CEP164: variants seen among roughly 807,000 people sequenced by gnomAD.
CEP164 encodes the protein centrosomal protein of 164 kDa.
CEP164 carries 162 observed loss-of-function variants against 182.7 expected under a neutral mutation model. The ratio of observed to expected loss-of-function variants is 0.89; its 90% CI spans 0.78 to 1.01. CEP164 has a LOEUF of 1.01. CEP164 is among the 50% of genes least tolerant of loss of function. The probability of loss-of-function intolerance (pLI) is 0.00; values close to 1 mark genes in which losing one functional copy is unlikely to be tolerated. For missense variants in CEP164, 1,735 were observed against 1,790.4 expected (o/e 0.97, Z 0.56); for synonymous variants, 661 against 690.0 (o/e 0.96, Z 0.66).
rs1372234153 is a variant in CEP164, at chr11:117,398,583, ATCT to A, written c.3501+1274_3501+1276del. ...TCTGGGCATCTAGGTGTTTCCATAC[ATCT>A]TCTGAAATCTAGGCGGAGGTTCCCA... is the stretch of plus-strand genomic sequence containing the variant. On this transcript the variant is annotated intron_variant, in intron 27 of 32. Transcript: ENST00000278935. 2.0e-5 allele frequency among the ~76,000 whole-genome samples: 3 copies of A among 151,358 alleles called. No individual in the cohort carries two copies. The East Asian group carries it at 5.8e-4, about 29-fold the overall frequency.
chr11:117,346,649 A>G lies in CEP164; in HGVS notation c.194+2372A>G, dbSNP rs373435614. ...GAGGCCGAGTTTGGAGGATTGCTTG[A>G]GCTCAGGAGTTTGAGATCAGTCTGG... On this transcript the variant is annotated intron_variant, in intron 4 of 32. Transcript: ENST00000278935. 2.2e-4 allele frequency among the ~76,000 whole-genome samples: 34 copies of G among 151,974 alleles called. No individual in the cohort carries two copies. The East Asian group carries it at 2.4e-3, about 11-fold the overall frequency.
At chr11:117,399,979 T>C (rs1055720693) in intron 27 of CEP164, among the ~76,000 whole-genome samples, 8 of 152,348 alleles carry the variant, frequency 5.3e-5, no homozygotes, top group African/African-American at 1.4e-4. Flanking sequence ...GTGCAGAAGC[T>C]CTTTAGTTTA....
chr11:117,380,787 G>T, intron 12 of CEP164, 82 bp downstream of exon 12: 1 of 1,337,174 alleles, frequency 7.5e-7, no homozygotes, highest in South Asian at 1.3e-5. Flanking sequence ...TTTGGTGGCC[G>T]GCCTGGCTCA....
intron 5 of CEP164, among the ~76,000 whole-genome samples, chr11:117,359,832 A>C (rs1281919469): frequency 6.6e-6 from 1 of 152,096 alleles, no homozygotes. Flanking sequence ...GGCCCCTAGC[A>C]CTCATCTCCT....
At chr11:117,341,749 C>T (rs2038160473) in intron 3 of CEP164, among the ~76,000 whole-genome samples, 1 of 152,060 alleles carries the variant, frequency 6.6e-6, no homozygotes, top group Non-Finnish European at 1.5e-5. Flanking sequence ...CCTGGCTATA[C>T]TGGCTTTCTG....
intron 7 of CEP164, 138 bp from the exon 8 acceptor site, chr11:117,363,291 T>C (rs2135720175): frequency 1.6e-6 from 1 of 620,474 alleles, no homozygotes; most frequent in Non-Finnish European, 2.9e-6. Context: ...TCAGTGGTGG[T>C]CCTGCTCTGA....
intron 27 of CEP164, among the ~76,000 whole-genome samples, chr11:117,401,540 C>T (rs894402196): frequency 8.5e-5 from 13 of 152,130 alleles, no homozygotes; most frequent in African/African-American, 3.1e-4. Flanking sequence ...GGAGTAGTTT[C>T]AGAAGGAATG....
intron 14 of CEP164, chr11:117,384,968 C>G (rs1481850516): frequency 6.6e-6 from 1 of 152,302 alleles, no homozygotes; most frequent in East Asian, 1.9e-4. Flanking sequence ...GAAGGTCCTC[C>G]CCGTGTCATG....
rs2044597509 is a variant in CEP164 at position 117,391,111 on chromosome 11, G to A, written c.2179G>A (p.Glu727Lys). 6.2e-7 allele frequency: 1 copy of A among 1,614,046 alleles called. No homozygotes were observed. The highest frequency in any genetic ancestry group is 2.2e-5 in the East Asian group (1 of 44,850). ...TAGGCAAATGCTGGAGCAGCTCAAG[G>A]AAGAGATAGAGGCTTCGGAGAAGAG... is the stretch of plus-strand genomic sequence containing the variant. ...KNRQMLEQLK[E>K]EIEASEKSEQ... The change falls in exon 17 of 33, where the codon GAA (glutamate) becomes AAA (lysine). Residue 727 changes from glutamate (E) to lysine (K), a missense_variant. By Grantham distance (56) the Glu-to-Lys change is moderately conservative. Transcript: ENST00000278935.
intron 1 of CEP164, among the ~76,000 whole-genome samples, chr11:117,322,065 A>G (rs1025560581): frequency 6.6e-6 from 1 of 152,070 alleles, no homozygotes; most frequent in African/African-American, 2.4e-5. Flanking sequence ...TTTGATACAT[A>G]TATATGTTGC....
Position 117,371,072 on chromosome 11 carries a change from C to T in CEP164, c.766-8C>T, listed in dbSNP as rs2042156839. On this transcript the variant is annotated splice_region_variant and splice_polypyrimidine_tract_variant and intron_variant, in intron 8 of 32. Coordinates refer to ENST00000278935, the MANE Select transcript of CEP164 (RefSeq NM_014956.5). ...TCTTCCTTTCTAACATGGTCTGTTGCTCCCTAGGAGTCTCTGAGAACAAGC... is the reference window on the plus strand; with the variant it reads ...TCTTCCTTTCTAACATGGTCTGTTGTTCCCTAGGAGTCTCTGAGAACAAGC... The T allele has an allele frequency of 1.9e-6, 3 of 1,559,066 alleles. No individual in the cohort carries two copies. The highest frequency in any genetic ancestry group is 2.6e-6 in the Non-Finnish European group (3 of 1,152,540).
rs745904143 is a variant in CEP164 at position 117,411,880 on chromosome 11, C to G, written c.4249C>G (p.Arg1417Gly). 18 of 1,614,006 alleles carry G rather than the reference C, an allele frequency of 1.1e-5. No individual in the cohort carries two copies. Among genetic ancestry groups the G allele is most frequent in the Non-Finnish European group, 1.5e-5 (18 of 1,180,024 alleles). ...CTTTCAGGGCATAATTGAGGCCAAC[C>G]GGAGGTGGCTGGAACGTGTCAAGAA... ...TTFQGIIEAN[R>G]RWLERVKNDP... The change falls in exon 32 of 33, where the codon CGG becomes GGG. Residue 1417 changes from arginine to glycine, a missense_variant. By Grantham distance (125) the Arg-to-Gly change is moderately radical (BLOSUM62 -2). Transcript: ENST00000278935. This position sits in a 1 kb window ranked among gnomAD's most constrained non-coding sequence, Gnocchi z 4.4.
intron 13 of CEP164, 89 bp from the exon 14 acceptor site, chr11:117,382,707 T>C: frequency 4.7e-6 from 7 of 1,476,378 alleles, no homozygotes; most frequent in Non-Finnish European, 6.4e-6. Context: ...CTTGTCTCTG[T>C]CATAGCTCTT....
chr11:117,354,786 ATTT>A (rs2040116806), intron 5 of CEP164: 2 of 163,808 alleles, frequency 1.2e-5, no homozygotes, highest in African/African-American at 4.9e-5. Context: ...TTATTTATTT[ATTT>A]ATTTATTATT....
Position 117,373,750 on chromosome 11 carries a change from G to A in CEP164, c.1153-1G>A. 1 of 1,613,896 alleles carries A rather than the reference G, an allele frequency of 6.2e-7. No individual in the cohort carries two copies. Among genetic ancestry groups the A allele is most frequent in the Non-Finnish European group, 8.5e-7 (1 of 1,179,796 alleles). On this transcript the variant is annotated splice_acceptor_variant, in intron 9 of 32. Coordinates refer to ENST00000278935, the MANE Select transcript of CEP164 (RefSeq NM_014956.5). LOFTEE classifies it high-confidence loss of function. ...ATTTCTCTGTGGGTCTGTCTCTCCA[G>A]GAACTGGAAATTAGTGAACACATGA...
At chr11:117,349,215 G>T (rs2039324609) in intron 4 of CEP164, among the ~76,000 whole-genome samples, 1 of 151,868 alleles carries the variant, frequency 6.6e-6, no homozygotes, top group African/African-American at 2.4e-5. Context: ...TAGAGACGAG[G>T]TTTCACCATG....
intron 5 of CEP164, among the ~76,000 whole-genome samples, chr11:117,354,467 A>C (rs2030324676): frequency 6.6e-6 from 1 of 152,160 alleles, no homozygotes; most frequent in South Asian, 2.1e-4. Flanking sequence ...CCAGCTTATA[A>C]AAAAAGAAAT....
At chr11:117,391,367 G>C (rs947974891) in intron 17 of CEP164, 152 bp downstream of exon 17, 5 of 695,456 alleles carry the variant, frequency 7.2e-6, no homozygotes, top group East Asian at 2.7e-5. Flanking sequence ...ACAGGCATGG[G>C]AGACAGCGAG....
intron 4 of CEP164, among the ~76,000 whole-genome samples, chr11:117,348,353 A>G (rs944007648): frequency 6.6e-6 from 1 of 152,184 alleles, no homozygotes; most frequent in African/African-American, 2.4e-5. Flanking sequence ...ATCATTTTAA[A>G]TTGCATTTCC....
Sources: allele counts gnomAD v4.1 joint callset (sites outside exome capture counted in the v4.1 genomes callset), GRCh38; gene constraint gnomAD v4.1.1; non-coding constraint Gnocchi (gnomAD v3.1); transcripts MANE v1.5; gene names NCBI Gene and HGNC (gene_info 2026-07-23, HGNC 2026-07-21).